STAU2: variants seen among roughly 807,000 people sequenced by gnomAD.
STAU2 encodes the protein double-stranded RNA-binding protein Staufen homolog 2.
STAU2 carries 20 observed loss-of-function variants against 65.9 expected under a neutral mutation model. That is an observed-to-expected ratio of 0.30 (90% confidence interval 0.21 to 0.44). The LOEUF (loss-of-function observed/expected upper bound fraction) is 0.44, where lower values mean the gene tolerates loss of function less well. Among genes scored for constraint, STAU2 ranks in the 20% least tolerant of loss-of-function variants. STAU2 has a pLI of 1.00. For missense variants in STAU2, 558 were observed against 683.9 expected, an observed-to-expected ratio of 0.82 and a Z score of 2.05; for synonymous variants, 232 against 233.9, an observed-to-expected ratio of 0.99 and a Z score of 0.07.
intron 3 of STAU2, among the ~76,000 whole-genome samples, chr8:73,731,566 T>A (rs890629815): frequency 4.6e-5 from 7 of 152,184 alleles, no homozygotes; most frequent in African/African-American, 1.7e-4. Flanking sequence ...TTATATATTT[T>A]ATAAATTCTC....
chr8:73,734,129 T>C (rs1806256366), intron 3 of STAU2, among the ~76,000 whole-genome samples: 1 of 151,154 alleles, frequency 6.6e-6, no homozygotes. Context: ...CATACCTGCA[T>C]AGAAAAAAAA....
intron 13 of STAU2, among the ~76,000 whole-genome samples, chr8:73,521,658 C>G (rs1823047387): frequency 6.6e-6 from 1 of 152,226 alleles, no homozygotes; most frequent in East Asian, 1.9e-4. Context: ...ATATGCATAC[C>G]ATACTCTCTT....
chr8:73,714,494 G>A (rs1250556037), intron 3 of STAU2, among the ~76,000 whole-genome samples: 1 of 151,928 alleles, frequency 6.6e-6, no homozygotes, highest in Non-Finnish European at 1.5e-5. Flanking sequence ...TGTCCATTAG[G>A]AAAAAATTTA....
intron 13 of STAU2, among the ~76,000 whole-genome samples, chr8:73,500,419 T>G (rs1401101295): frequency 6.6e-6 from 1 of 151,938 alleles, no homozygotes; most frequent in Non-Finnish European, 1.5e-5. Flanking sequence ...TTATTTTTGA[T>G]CACTGGTTAT....
At chr8:73,655,178 T>C (rs937947740) in intron 6 of STAU2, among the ~76,000 whole-genome samples, 6 of 152,242 alleles carry the variant, frequency 3.9e-5, no homozygotes, top group African/African-American at 1.4e-4. Flanking sequence ...TTCTTGCATA[T>C]TTCTTCTTAC....
chr8:73,552,438 A>G (rs752673972), intron 12 of STAU2, 119 bp from the exon 13 acceptor site: 456 of 882,852 alleles, frequency 5.2e-4, no homozygotes, highest in Non-Finnish European at 7.1e-4. Flanking sequence ...ACACTGCCAA[A>G]CAAGTATCTT....
intron 13 of STAU2, among the ~76,000 whole-genome samples, chr8:73,448,859 G>C (rs988258847): frequency 3.0e-4 from 46 of 152,370 alleles, no homozygotes; most frequent in African/African-American, 1.0e-3. Context: ...GTGGACAGCC[G>C]GTCCCTGCCG....
At chr8:73,468,001 A>T (rs1819752927) in intron 13 of STAU2, among the ~76,000 whole-genome samples, 1 of 152,238 alleles carries the variant, frequency 6.6e-6, no homozygotes, top group South Asian at 2.1e-4. Context: ...TGCCAAGTCA[A>T]TCCTAAGCCA....
At chr8:73,712,334 A>G (rs1377099461) in intron 3 of STAU2, among the ~76,000 whole-genome samples, 1 of 152,194 alleles carries the variant, frequency 6.6e-6, no homozygotes, top group South Asian at 2.1e-4. Flanking sequence ...GATGGTTAAG[A>G]GCCTGTTTTG....
At chr8:73,579,593 C>G (rs1350772248) in intron 12 of STAU2, among the ~76,000 whole-genome samples, 2 of 152,118 alleles carry the variant, frequency 1.3e-5, no homozygotes, top group African/African-American at 4.8e-5. Flanking sequence ...AAAAGTTATT[C>G]ATTCATCTGT....
intron 10 of STAU2, among the ~76,000 whole-genome samples, chr8:73,602,000 T>G (rs907680709): frequency 1.3e-5 from 2 of 152,212 alleles, no homozygotes; most frequent in African/African-American, 4.8e-5. Context: ...TGCTGGATCC[T>G]AATAACATCT....
At chr8:73,677,997 T>C (rs1318138769) in intron 5 of STAU2, among the ~76,000 whole-genome samples, 2 of 152,178 alleles carry the variant, frequency 1.3e-5, no homozygotes, top group African/African-American at 2.4e-5. Flanking sequence ...CTTTACATTA[T>C]ATGCCTTTGC....
chr8:73,596,431 A>G (rs1209876300), intron 10 of STAU2, among the ~76,000 whole-genome samples: 1 of 152,160 alleles, frequency 6.6e-6, no homozygotes, highest in African/African-American at 2.4e-5. Context: ...TATAAAAAGT[A>G]AAGTAGATAG....
chr8:73,631,254 G>A (rs1814069705), intron 6 of STAU2, among the ~76,000 whole-genome samples: 2 of 152,016 alleles, frequency 1.3e-5, no homozygotes, highest in East Asian at 1.9e-4. Context: ...ACTCAGAAGC[G>A]GAGGCAGGAG....
At chr8:73,462,294 A>G (rs779473223) in intron 13 of STAU2, among the ~76,000 whole-genome samples, 38 of 151,524 alleles carry the variant, frequency 2.5e-4, no homozygotes, top group Non-Finnish European at 4.7e-4. Flanking sequence ...GGGTTTTCCC[A>G]TGTTGGCATG....
intron 10 of STAU2, among the ~76,000 whole-genome samples, chr8:73,602,679 T>C (rs1028712176): frequency 1.3e-5 from 2 of 149,124 alleles, no homozygotes; most frequent in Non-Finnish European, 3.0e-5. Flanking sequence ...GCCATGATCA[T>C]GCCACCGTAC....
chr8:73,421,415 C>G lies in STAU2; in HGVS notation c.1670G>C (p.Gly557Ala). Residue 557 changes from glycine (G) to alanine (A), a missense_variant, in exon 15 of 15, where the codon GGC becomes GCC. Physicochemically the swap from Gly to Ala is moderately conservative, Grantham distance 60. Around this residue, in one of 3 missense-constraint regions of STAU2, gnomAD observed 247 missense variants for 270.1 expected, o/e 0.91. Transcript: ENST00000524300. ...EKADNNQAPP[G>A]SIAQDCKKSN... ...TTTCTTGCAGTCCTGAGCGATGGAG[C>G]CCGGGGGTGCCTGGTTATTGTCCGC... 13 of 1,537,246 alleles carry G rather than the reference C, an allele frequency of 8.5e-6. No individual in the cohort carries two copies. The highest frequency in any genetic ancestry group is 1.4e-5 in the African/African-American group (1 of 73,150).
At chr8:73,515,666 A>C (rs534833002) in intron 13 of STAU2, among the ~76,000 whole-genome samples, 2 of 152,194 alleles carry the variant, frequency 1.3e-5, no homozygotes, top group Admixed American at 6.5e-5. Flanking sequence ...AATAGTAAGG[A>C]AATTCTAGGT....
At chr8:73,539,816 C>A (rs1461937169) in intron 13 of STAU2, among the ~76,000 whole-genome samples, 1 of 149,984 alleles carries the variant, frequency 6.7e-6, no homozygotes, top group African/African-American at 2.4e-5. Flanking sequence ...GCACTCCAGC[C>A]CTGGGCGACA....
Sources: gnomAD v4.1 joint callset for allele counts (sites outside exome capture counted in the v4.1 genomes callset) on GRCh38, gnomAD v4.1.1 for gene constraint, gnomAD v4.1.1 regional missense constraint, MANE v1.5 for transcripts, NCBI Gene and HGNC (gene_info 2026-07-23, HGNC 2026-07-21) for gene names.